The following CLEC3A variants were observed in gnomAD, a reference collection of about 807,000 sequenced individuals.
CLEC3A encodes C-type (calcium dependent, carbohydrate-recognition domain) lectin, superfamily member 1 (cartilage-derived).
A neutral mutation model predicts 20.4 loss-of-function variants in CLEC3A; 28 were observed. The observed-to-expected ratio is 1.37, with a 90% confidence interval of 1.02 to 1.88. The LOEUF (loss-of-function observed/expected upper bound fraction) is 1.88, where lower values mean the gene tolerates loss of function less well. Among genes scored for constraint, CLEC3A ranks in the 40% most tolerant of loss-of-function variants. The pLI is 0.00. For missense variants in CLEC3A, 357 were observed against 240.4 expected (o/e 1.48, Z -3.21); for synonymous variants, 110 against 88.1 (o/e 1.25, Z -1.39).
chr16:78,029,507 T>G (rs1229021427), intron 2 of CLEC3A, among the ~76,000 whole-genome samples: 1 of 152,070 alleles, frequency 6.6e-6, no homozygotes, highest in Non-Finnish European at 1.5e-5. Context: ...TAGCTGGGAT[T>G]ATAGGCACAC....
chr16:78,027,892 G>A (rs112803557), intron 1 of CLEC3A, among the ~76,000 whole-genome samples: 2,400 of 152,306 alleles, frequency 0.016, 64 homozygotes, highest in African/African-American at 0.055. Flanking sequence ...CTGGCCTCAA[G>A]TGGTCCACCC....
At chr16:78,023,176 T>C (rs75834642) in intron 1 of CLEC3A, among the ~76,000 whole-genome samples, 2,885 of 152,322 alleles carry the variant, frequency 0.019, 93 homozygotes, top group African/African-American at 0.067. Context: ...TCTTATTCAA[T>C]GTGTAGCAGA....
At chr16:78,026,864 A>G (rs903907166) in intron 1 of CLEC3A, among the ~76,000 whole-genome samples, 2 of 152,176 alleles carry the variant, frequency 1.3e-5, no homozygotes, top group African/African-American at 4.8e-5. Context: ...AGTTGCTAAT[A>G]CCTAATATAG....
At position 78,030,763 on chromosome 16, in the gene CLEC3A, ATCAGC is replaced by A. The variant is rs760619403; in HGVS notation, c.521_525del (p.Ala174GlyfsTer5). ...GAGAAAACTGTGTCCTGTTCTCCCA[ATCAGC>A]TCAGGGCAAGTGGAGTGATGAGGCC... On this transcript the variant is annotated frameshift_variant, in exon 3 of 3. Transcript: ENST00000299642. LOFTEE classifies it high-confidence loss of function. 1.2e-6 allele frequency: 2 copies of A among 1,614,022 alleles called. No individual in the cohort carries two copies. Among genetic ancestry groups the A allele is most frequent in the Non-Finnish European group, 1.7e-6 (2 of 1,180,028 alleles).
At chr16:78,030,383 G>A (rs2030056500) in intron 2 of CLEC3A, 64 bp from the exon 3 acceptor site, 37 of 1,422,514 alleles carry the variant, frequency 2.6e-5, no homozygotes, top group African/African-American at 2.8e-5. Flanking sequence ...TATTTGCCAG[G>A]TCCAGCCCTA....
chr16:78,029,083 T>C (rs966223836), intron 2 of CLEC3A: 1 of 454,160 alleles, frequency 2.2e-6, no homozygotes, highest in South Asian at 1.6e-5. Flanking sequence ...AATCCATTAA[T>C]CCTCCAGCAA....
At chr16:78,023,486 A>G (rs1354058859) in intron 1 of CLEC3A, among the ~76,000 whole-genome samples, 1 of 152,176 alleles carries the variant, frequency 6.6e-6, no homozygotes, top group Non-Finnish European at 1.5e-5. Flanking sequence ...CAATACGTTG[A>G]AACCTAAGCA....
intron 1 of CLEC3A, among the ~76,000 whole-genome samples, chr16:78,025,061 C>G (rs1392234570): frequency 6.6e-6 from 1 of 152,178 alleles, no homozygotes; most frequent in Non-Finnish European, 1.5e-5. Context: ...GTCTCAAACT[C>G]CTGACCTCAG....
chr16:78,022,794 G>T, intron 1 of CLEC3A, 53 bp downstream of exon 1: 3 of 1,590,390 alleles, frequency 1.9e-6, no homozygotes, highest in Non-Finnish European at 1.7e-6. Flanking sequence ...GTGTGGGGAG[G>T]TGCTGGACAA....
At position 78,022,764 on chromosome 16, in the gene CLEC3A, CA is replaced by C. The variant is rs770583350; in HGVS notation, c.115+27del. The C allele has an allele frequency of 3.7e-6, 6 of 1,612,956 alleles. No individual in the cohort carries two copies. In the African/African-American group the frequency reaches 8.0e-5, roughly 22 times the overall value. On this transcript the variant is annotated intron_variant, in intron 1 of 2. Transcript: ENST00000299642. ...GAGGTAATGGGGCTTCTCAATCAAG[CA>C]AAATTCTAGGCTTAGACAGTGTGGG...
At chr16:78,022,785 T>C in intron 1 of CLEC3A, 44 bp downstream of exon 1, 1 of 1,601,898 alleles carries the variant, frequency 6.2e-7, no homozygotes, top group African/African-American at 1.4e-5. Context: ...GCTTAGACAG[T>C]GTGGGGAGGT....
At position 78,022,839 on chromosome 16, in the gene CLEC3A, C is replaced by A. The variant is rs1240464311; in HGVS notation, c.115+98C>A. 9 of 1,264,356 alleles carry A rather than the reference C, an allele frequency of 7.1e-6. No individual in the cohort carries two copies. In the Admixed American group the frequency reaches 1.9e-4, roughly 27 times the overall value. The allele number at this position is 1,264,356 out of a possible 1,614,324, so 78.3% of individuals were successfully genotyped here. A position where few individuals can be genotyped will look rare whatever the true frequency, so the allele number is the denominator to read the frequency against. Reference sequence around the variant, plus strand: ...TCAAACTCCTCCAGGAGACTATCTTCGGTGATGGCACCATGCCATCATCCC... The same window carrying A: ...TCAAACTCCTCCAGGAGACTATCTTAGGTGATGGCACCATGCCATCATCCC... On this transcript the variant is annotated intron_variant, in intron 1 of 2. Coordinates refer to ENST00000299642, the MANE Select transcript of CLEC3A (RefSeq NM_005752.6).
chr16:78,028,057 T>C (rs911750407), intron 1 of CLEC3A, 50 bp from the exon 2 acceptor site: 4 of 1,232,696 alleles, frequency 3.2e-6, no homozygotes, highest in African/African-American at 3.0e-5. Context: ...TTTATTTTAA[T>C]CATACGCTTT....
chr16:78,030,906 TC>T lies in CLEC3A; in HGVS notation c.*66del. The T allele has an allele frequency of 6.7e-7, 1 of 1,482,996 alleles. No homozygotes were observed. The highest frequency in any genetic ancestry group is 2.3e-5 in the East Asian group (1 of 43,468). The allele number at this position is 1,482,996 out of a possible 1,614,324, so 91.9% of individuals were successfully genotyped here. On this transcript the variant is annotated 3_prime_UTR_variant, in exon 3 of 3. Coordinates refer to ENST00000299642, the MANE Select transcript of CLEC3A (RefSeq NM_005752.6). ...ACTTATAGGTTCATGATCTCTAAGA[TC>T]AAGTAAAAATCATAATTTTTACTTA... is the stretch of plus-strand genomic sequence containing the variant.
At chr16:78,026,248 G>A (rs2029919512) in intron 1 of CLEC3A, among the ~76,000 whole-genome samples, 3 of 152,148 alleles carry the variant, frequency 2.0e-5, no homozygotes, top group African/African-American at 7.2e-5. Context: ...GGAAACATCT[G>A]GCTTATGAAG....
chr16:78,026,508 C>T (rs187110174), intron 1 of CLEC3A, among the ~76,000 whole-genome samples: 8 of 152,268 alleles, frequency 5.3e-5, no homozygotes, highest in African/African-American at 1.9e-4. Flanking sequence ...AAATTTAAAT[C>T]CCAATTCTTC....
intron 1 of CLEC3A, among the ~76,000 whole-genome samples, chr16:78,023,518 G>A (rs564461156): frequency 1.3e-5 from 2 of 151,672 alleles, no homozygotes; most frequent in Non-Finnish European, 2.9e-5. Context: ...CAAGACAGAG[G>A]GTCATGTTTT....
At chr16:78,029,447 C>T (rs904442125) in intron 2 of CLEC3A, among the ~76,000 whole-genome samples, 1 of 152,154 alleles carries the variant, frequency 6.6e-6, no homozygotes, top group Admixed American at 6.5e-5. Flanking sequence ...CGGCTCACTG[C>T]AACCTCTGCC....
At chr16:78,028,970 G>A (rs558170839) in intron 2 of CLEC3A, 1 of 348,124 alleles carries the variant, frequency 2.9e-6, no homozygotes, top group African/African-American at 2.2e-5. Context: ...GCTTCCGGGG[G>A]AACAGAATTA....
Sources: allele counts gnomAD v4.1 joint callset (sites outside exome capture counted in the v4.1 genomes callset), GRCh38; gene constraint gnomAD v4.1.1; transcripts MANE v1.5; gene names NCBI Gene and HGNC (gene_info 2026-07-23, HGNC 2026-07-21).